The following GABRA2 variants were observed in gnomAD, a reference collection of about 807,000 sequenced individuals.
The protein encoded by GABRA2 is gamma-aminobutyric acid type A receptor subunit alpha2.
A neutral mutation model predicts 48.7 loss-of-function variants in GABRA2; 16 were observed. That is an observed-to-expected ratio of 0.33 (90% CI 0.22 to 0.50). GABRA2 has a LOEUF of 0.50. Ranked by LOEUF, GABRA2 falls within the 20% of genes least tolerant of loss-of-function variation. GABRA2 has a pLI of 0.98. For synonymous variants in GABRA2, 185 were observed against 184.5 expected (o/e 1.00, Z -0.02); for missense variants, 275 against 535.6 (o/e 0.51, Z 4.80).
At chr4:46,269,772 T>C (rs475874) in intron 8 of GABRA2, among the ~76,000 whole-genome samples, 75,992 of 151,658 alleles carry the variant, frequency 0.5, 20,337 homozygotes, top group South Asian at 0.76. Context: ...AATTAAAAGA[T>C]AAAATCTCTA....
intron 3 of GABRA2, among the ~76,000 whole-genome samples, chr4:46,352,843 A>G (rs922857398): frequency 6.6e-6 from 1 of 152,092 alleles, no homozygotes; most frequent in African/African-American, 2.4e-5. Flanking sequence ...GGATCAGACA[A>G]TGTAATGGGA....
At chr4:46,323,517 G>T (rs1729814463) in intron 4 of GABRA2, among the ~76,000 whole-genome samples, 2 of 151,734 alleles carry the variant, frequency 1.3e-5, no homozygotes, top group African/African-American at 4.8e-5. Context: ...GTTTTAAAAT[G>T]GACTATTTTC....
chr4:46,387,676 G>A (rs1261727539), intron 2 of GABRA2, among the ~76,000 whole-genome samples: 1 of 151,998 alleles, frequency 6.6e-6, no homozygotes, highest in Non-Finnish European at 1.5e-5. Context: ...CATTAAATTA[G>A]TAGATATTTT....
chr4:46,343,559 GA>G (rs1227999335), intron 3 of GABRA2, among the ~76,000 whole-genome samples: 1 of 151,774 alleles, frequency 6.6e-6, no homozygotes, highest in African/African-American at 2.4e-5. Context: ...ATGAGGAAAT[GA>G]AAAAAAGTAC....
At chr4:46,352,065 G>A (rs1006104312) in intron 3 of GABRA2, among the ~76,000 whole-genome samples, 1 of 151,744 alleles carries the variant, frequency 6.6e-6, no homozygotes, top group Non-Finnish European at 1.5e-5. Context: ...ATTTTCAAAG[G>A]CAGCTATGGT....
At chr4:46,286,449 T>G (rs1722558083) in intron 8 of GABRA2, among the ~76,000 whole-genome samples, 1 of 152,108 alleles carries the variant, frequency 6.6e-6, no homozygotes, top group Admixed American at 6.5e-5. Flanking sequence ...TTTTTATTAA[T>G]CTTGGATCTA....
rs1444824447 is a variant in GABRA2 at position 46,249,028 on chromosome 4, C to CTGTGTGTGTGTGTGTG, written c.*1279_*1280insCACACACACACACACA. The stretch of plus-strand genomic sequence containing the variant: ...TTTAAAATTGTGTTTTCTAATTTAG[C>CTGTGTGTGTGTGTGTG]TGTGTATGTGTGTGTGTGTGTGTGT... On this transcript the variant is annotated 3_prime_UTR_variant, in exon 10 of 10. Coordinates refer to ENST00000381620, the MANE Select transcript of GABRA2 (RefSeq NM_000807.4). 8.5e-4 allele frequency: 41 copies of CTGTGTGTGTGTGTGTG among 48,028 alleles called. No homozygotes were observed. The highest frequency in any genetic ancestry group is 6.2e-3 in the South Asian group (5 of 802). The allele number at this position is 48,028 out of a possible 1,614,324, so 3.0% of individuals were successfully genotyped here.
intron 6 of GABRA2, among the ~76,000 whole-genome samples, chr4:46,307,519 C>A (rs536464581): frequency 6.6e-6 from 1 of 150,974 alleles, no homozygotes; most frequent in East Asian, 1.9e-4. Flanking sequence ...AAAAATGAAA[C>A]CCTATAAAAG....
Position 46,312,661 on chromosome 4 carries a change from A to C in GABRA2, c.311T>G (p.Phe104Cys). ...TCGAAGGATATTCATAGGACCTTTA[A>C]ATTTTAAACGTTCATCTTTCCATTT... ...RQKWKDERLK[F>C]KGPMNILRLN... is the part of the protein sequence containing the mutation. The change falls in exon 5 of 10, where the codon TTT becomes TGT. Residue 104 changes from phenylalanine (F) to cysteine (C), a missense_variant. Around this residue, in one of 4 missense-constraint regions of GABRA2, gnomAD observed 113 missense variants for 257.1 expected, o/e 0.44. Coordinates refer to ENST00000381620, the MANE Select transcript of GABRA2 (RefSeq NM_000807.4). 1 of 1,520,672 alleles carries C rather than the reference A, an allele frequency of 6.6e-7. No homozygotes were observed. Among genetic ancestry groups the C allele is most frequent in the Non-Finnish European group, 8.8e-7 (1 of 1,140,712 alleles). 94.2% of individuals were successfully genotyped at this position (1,520,672 alleles called of 1,614,324 possible). A position where few individuals can be genotyped will look rare whatever the true frequency, so the allele number is the denominator to read the frequency against.
intron 7 of GABRA2, 119 bp from the exon 8 acceptor site, chr4:46,303,731 A>C: frequency 2.6e-6 from 2 of 774,654 alleles, no homozygotes; most frequent in Non-Finnish European, 4.1e-6. Context: ...TATCACATAC[A>C]TGTCAGGAAA....
chr4:46,305,522 T>C (rs201982627), intron 7 of GABRA2, 46 bp downstream of exon 7: 17 of 1,567,462 alleles, frequency 1.1e-5, no homozygotes, highest in African/African-American at 1.4e-5. Context: ...CTTTAACCTA[T>C]TAATATTCTT....
chr4:46,276,590 C>A (rs1310474699), intron 8 of GABRA2, among the ~76,000 whole-genome samples: 1 of 139,630 alleles, frequency 7.2e-6, no homozygotes, highest in African/African-American at 2.8e-5. Context: ...GCATTACTGA[C>A]TTCAGGCTCA....
intron 4 of GABRA2, among the ~76,000 whole-genome samples, chr4:46,324,044 T>C (rs569915163): frequency 6.6e-6 from 1 of 151,904 alleles, no homozygotes; most frequent in African/African-American, 2.4e-5. Context: ...CTGTCTCGCC[T>C]CCTCTCTTCA....
chr4:46,355,690 C>T (rs1338824954), intron 3 of GABRA2, among the ~76,000 whole-genome samples: 1 of 152,140 alleles, frequency 6.6e-6, no homozygotes. Flanking sequence ...CCCAAATAAT[C>T]AGGGCTATGC....
chr4:46,377,254 A>G (rs373186191), intron 3 of GABRA2, among the ~76,000 whole-genome samples: 1 of 142,540 alleles, frequency 7.0e-6, no homozygotes, highest in Non-Finnish European at 1.5e-5. Flanking sequence ...AGTGAGGAGC[A>G]TCTCTGCCCG....
chr4:46,361,322 T>A (rs1578171463), intron 3 of GABRA2, among the ~76,000 whole-genome samples: 1 of 152,228 alleles, frequency 6.6e-6, no homozygotes, highest in East Asian at 1.9e-4. Flanking sequence ...TGCATCCCAG[T>A]TGATCCAGCT....
intron 3 of GABRA2, among the ~76,000 whole-genome samples, chr4:46,378,198 C>T (rs557731313): frequency 7.8e-4 from 118 of 151,934 alleles, no homozygotes; most frequent in Non-Finnish European, 1.1e-3. Flanking sequence ...ATGACAATGG[C>T]GGTTTTGTGG....
intron 8 of GABRA2, among the ~76,000 whole-genome samples, chr4:46,301,274 A>G (rs1367321413): frequency 1.3e-5 from 2 of 152,182 alleles, no homozygotes; most frequent in Non-Finnish European, 2.9e-5. Context: ...TGTATACATT[A>G]AATATGTACA....
intron 3 of GABRA2, among the ~76,000 whole-genome samples, chr4:46,384,059 T>C (rs990457770): frequency 6.6e-6 from 1 of 152,132 alleles, no homozygotes; most frequent in Admixed American, 6.5e-5. Context: ...TCAACAACCC[T>C]AAAGGTAACT....
Sources: gnomAD v4.1 joint callset for allele counts (sites outside exome capture counted in the v4.1 genomes callset) on GRCh38, gnomAD v4.1.1 for gene constraint, gnomAD v4.1.1 regional missense constraint, MANE v1.5 for transcripts, NCBI Gene and HGNC (gene_info 2026-07-23, HGNC 2026-07-21) for gene names.